ZNRF3: variants seen among roughly 807,000 people sequenced by gnomAD.
The protein encoded by ZNRF3 is zinc and ring finger 3.
Under a neutral mutation model 72.5 loss-of-function variants are expected in ZNRF3, and 23 were observed. That is an observed-to-expected ratio of 0.32 (90% CI 0.23 to 0.45). The LOEUF is 0.45. ZNRF3 is among the 20% of genes least tolerant of loss of function. The pLI is 1.00. For synonymous variants in ZNRF3, 610 were observed against 545.3 expected (o/e 1.12, Z -1.65); for missense variants, 1,169 against 1,272.1 (o/e 0.92, Z 1.23).
intron 1 of ZNRF3, among the ~76,000 whole-genome samples, chr22:28,957,875 A>G (rs1241259634): frequency 1.3e-5 from 2 of 152,166 alleles, no homozygotes; most frequent in African/African-American, 2.4e-5. Flanking sequence ...GTGAAGAGCC[A>G]AGAAGGATGC....
intron 4 of ZNRF3, 146 bp from the exon 5 acceptor site, chr22:29,044,634 G>T (rs2037027054): frequency 1.5e-6 from 1 of 655,846 alleles, no homozygotes; most frequent in Admixed American, 2.2e-5. Flanking sequence ...ATGTGCATGT[G>T]AGCAGAACCC....
chr22:28,974,026 C>T (rs893250716), intron 1 of ZNRF3, among the ~76,000 whole-genome samples: 3 of 145,206 alleles, frequency 2.1e-5, no homozygotes, highest in Non-Finnish European at 3.0e-5. Flanking sequence ...GGCGCGATCT[C>T]GGCTCACTGC....
chr22:28,896,823 G>A (rs1047255751), intron 1 of ZNRF3, among the ~76,000 whole-genome samples: 1 of 152,220 alleles, frequency 6.6e-6, no homozygotes, highest in Non-Finnish European at 1.5e-5. Context: ...GGAAATGGTG[G>A]TATCTTCAAG....
chr22:29,016,028 A>AC (rs2036428100), intron 2 of ZNRF3, among the ~76,000 whole-genome samples: 3 of 143,152 alleles, frequency 2.1e-5, no homozygotes, highest in South Asian at 4.3e-4. Flanking sequence ...AAAAAAAAAA[A>AC]ACAAAAAAAC....
chr22:28,988,941 G>A (rs73390808), intron 2 of ZNRF3, among the ~76,000 whole-genome samples: 362 of 152,256 alleles, frequency 2.4e-3, no homozygotes, highest in African/African-American at 8.5e-3. Context: ...AAGTCACTCA[G>A]AGAACCCAAC....
chr22:28,905,329 C>T (rs1005563314), intron 1 of ZNRF3, among the ~76,000 whole-genome samples: 43 of 152,222 alleles, frequency 2.8e-4, no homozygotes, highest in African/African-American at 1.0e-3. Context: ...TTATGATTTA[C>T]AGTGTATGTT....
chr22:28,889,504 G>A (rs1009383386), intron 1 of ZNRF3, among the ~76,000 whole-genome samples: 1 of 152,116 alleles, frequency 6.6e-6, no homozygotes. Flanking sequence ...TATTTATTTT[G>A]TAGACATCTA....
chr22:29,057,379 A>G lies in ZNRF3; in HGVS notation c.*3757A>G, dbSNP rs1052521011. The G allele has an allele frequency of 2.6e-5, 4 of 152,230 alleles. No homozygotes were observed. Among genetic ancestry groups the G allele is most frequent in the Non-Finnish European group, 5.9e-5 (4 of 68,040 alleles). 9.4% of individuals were successfully genotyped at this position (152,230 alleles called of 1,614,324 possible). A position where few individuals can be genotyped will look rare whatever the true frequency, so the allele number is the denominator to read the frequency against. On this transcript the variant is annotated 3_prime_UTR_variant, in exon 9 of 9. Coordinates refer to ENST00000544604, the MANE Select transcript of ZNRF3 (RefSeq NM_001206998.2). ...CATGATAATTGCACACAGATTTTAC[A>G]TATTTGCAGACCAAAAATGATTTAA...
chr22:28,900,278 C>T (rs925445545), intron 1 of ZNRF3, among the ~76,000 whole-genome samples: 1 of 152,178 alleles, frequency 6.6e-6, no homozygotes, highest in Non-Finnish European at 1.5e-5. Context: ...GCAAAGATCA[C>T]AGTCGAAGGT....
chr22:28,909,975 A>T (rs2034286923), intron 1 of ZNRF3, among the ~76,000 whole-genome samples: 1 of 151,826 alleles, frequency 6.6e-6, no homozygotes, highest in South Asian at 2.1e-4. Context: ...TCTGGCCTCA[A>T]ATGATCTTCC....
chr22:28,925,565 C>A (rs1461623397), intron 1 of ZNRF3, among the ~76,000 whole-genome samples: 2 of 152,144 alleles, frequency 1.3e-5, no homozygotes, highest in Non-Finnish European at 2.9e-5. Context: ...AAGCACCCCC[C>A]AATATTGTGA....
At chr22:28,948,684 T>C (rs2035097639) in intron 1 of ZNRF3, among the ~76,000 whole-genome samples, 2 of 152,220 alleles carry the variant, frequency 1.3e-5, no homozygotes, top group African/African-American at 4.8e-5. Context: ...TATAGCCTGT[T>C]AAGATATTAG....
At chr22:28,992,176 C>T (rs866263309) in intron 2 of ZNRF3, among the ~76,000 whole-genome samples, 1 of 146,414 alleles carries the variant, frequency 6.8e-6, no homozygotes, top group African/African-American at 2.5e-5. Context: ...CCCAACCCCC[C>T]GCCCCGGCCC....
At chr22:29,039,612 A>C (rs1227730737) in intron 2 of ZNRF3, among the ~76,000 whole-genome samples, 2 of 151,994 alleles carry the variant, frequency 1.3e-5, no homozygotes, top group African/African-American at 4.8e-5. Context: ...TCTGGCATCC[A>C]TGAGCTGTTG....
intron 1 of ZNRF3, among the ~76,000 whole-genome samples, chr22:28,949,667 T>C (rs894751568): frequency 6.6e-6 from 1 of 152,256 alleles, no homozygotes; most frequent in African/African-American, 2.4e-5. Context: ...CCCAAAAGTT[T>C]AATTTTTGCT....
At chr22:28,913,360 A>G (rs1449344254) in intron 1 of ZNRF3, among the ~76,000 whole-genome samples, 2 of 152,232 alleles carry the variant, frequency 1.3e-5, no homozygotes, top group Non-Finnish European at 2.9e-5. Flanking sequence ...TACTTCCCAA[A>G]TGTACTTGAT....
In ZNRF3 at chr22:29,050,407, C is replaced by G. The variant is rs766181846; in HGVS notation, c.2226C>G (p.Gly742=). Residue 742 remains glycine (G), a synonymous_variant, in exon 8 of 9, where the codon GGC becomes GGG. Transcript: ENST00000544604. ...TCCTGGGGCCCCACCTCTACGAGGG[C>G]TCTGGCCCGGCGGGTGGGGAGCCCC... ...TLFLGPHLYE[G]SGPAGGEPQS... 9.3e-5 allele frequency: 150 copies of G among 1,606,382 alleles called. No homozygotes were observed. The highest frequency in any genetic ancestry group is 1.2e-4 in the Non-Finnish European group (143 of 1,175,648).
chr22:28,979,086 G>C (rs1175002644), intron 1 of ZNRF3, among the ~76,000 whole-genome samples: 2 of 152,018 alleles, frequency 1.3e-5, no homozygotes, highest in African/African-American at 4.8e-5. Flanking sequence ...TAACCCACTG[G>C]GTAATGAGTC....
In ZNRF3 at chr22:29,048,688, T is replaced by C. The variant is rs1323119296; in HGVS notation, c.1015+197T>C. On this transcript the variant is annotated intron_variant, in intron 7 of 8. Coordinates refer to ENST00000544604, the MANE Select transcript of ZNRF3 (RefSeq NM_001206998.2). The surrounding 1 kb of genome is among the most constrained non-coding windows in gnomAD (Gnocchi z 4.9). ...CATTAAGAATCACCCTGAGTTCAAG[T>C]TTGGGCTTCACATTAAGCAGCTTCT... Among the ~76,000 whole-genome samples, 1 of 152,164 alleles carries C rather than the reference T, an allele frequency of 6.6e-6. No homozygotes were observed. Among genetic ancestry groups the C allele is most frequent in the African/African-American group, 2.4e-5 (1 of 41,444 alleles).
Sources: gnomAD v4.1 joint callset for allele counts (sites outside exome capture counted in the v4.1 genomes callset) on GRCh38, gnomAD v4.1.1 for gene constraint, Gnocchi (gnomAD v3.1) non-coding constraint, MANE v1.5 for transcripts, NCBI Gene and HGNC (gene_info 2026-07-23, HGNC 2026-07-21) for gene names.